Variants in TFAP2E observed in about 807,000 individuals in gnomAD.
TFAP2E encodes transcription factor AP-2-epsilon.
Under a neutral mutation model 37.9 loss-of-function variants are expected in TFAP2E, and 30 were observed. The observed-to-expected ratio is 0.79, with a 90% CI of 0.59 to 1.07. The LOEUF is 1.07. Among genes scored for constraint, TFAP2E ranks in the 50% least tolerant of loss-of-function variants. The pLI is 0.00. For missense variants in TFAP2E, 567 were observed against 637.9 expected, an observed-to-expected ratio of 0.89 and a Z score of 1.20; for synonymous variants, 318 against 295.8, an observed-to-expected ratio of 1.08 and a Z score of -0.77.
chr1:35,588,281 G>A lies in TFAP2E; in HGVS notation c.563-49G>A. 6.5e-7 allele frequency: 1 copy of A among 1,545,148 alleles called. No individual in the cohort carries two copies. Among genetic ancestry groups the A allele is most frequent in the Admixed American group, 1.8e-5 (1 of 56,020 alleles). ...AAGGATACCAGACCCTCCCTTGAGT[G>A]GGGCTGTGTGCGGCAGCCACTGGCT... On this transcript the variant is annotated intron_variant, in intron 3 of 6. Coordinates refer to ENST00000373235, the MANE Select transcript of TFAP2E (RefSeq NM_178548.4). This position sits in a 1 kb window ranked among gnomAD's most constrained non-coding sequence, Gnocchi z 5.1.
rs1214557577 is a variant in TFAP2E, at chr1:35,577,290, C to T, written c.562+2290C>T. On this transcript the variant is annotated intron_variant, in intron 3 of 6. Transcript: ENST00000373235. The surrounding 1 kb of genome is among the most constrained non-coding windows in gnomAD (Gnocchi z 6.3). ...TGCTCCCTGGAGCCGCCCCTCCCCA[C>T]ACCTGCCCTCGGCGCCCCCAGCAGT... The T allele has an allele frequency of 4.5e-6, 2 of 441,758 alleles. No individual in the cohort carries two copies. The highest frequency in any genetic ancestry group is 3.2e-5 in the South Asian group (2 of 62,348). The allele number at this position is 441,758 out of a possible 1,614,324, so 27.4% of individuals were successfully genotyped here.
At position 35,577,350 on chromosome 1, in the gene TFAP2E, C is replaced by T; in HGVS notation, c.562+2350C>T. The T allele has an allele frequency of 2.2e-6, 1 of 456,740 alleles. No homozygotes were observed. Among genetic ancestry groups the T allele is most frequent in the South Asian group, 1.5e-5 (1 of 64,568 alleles). The allele number at this position is 456,740 out of a possible 1,614,324, so 28.3% of individuals were successfully genotyped here. On this transcript the variant is annotated intron_variant, in intron 3 of 6. Transcript: ENST00000373235. The surrounding 1 kb of genome is among the most constrained non-coding windows in gnomAD (Gnocchi z 6.3). ...GGCCCTCCGCGGTCACTGCGGGATT[C>T]GGCGTTGCCGCCAGCCCAGTGGGGA...
At chr1:35,583,960 G>A (rs528896378) in intron 3 of TFAP2E, among the ~76,000 whole-genome samples, 1 of 152,274 alleles carries the variant, frequency 6.6e-6, no homozygotes, top group Admixed American at 6.5e-5. Context: ...ATATCTAGCA[G>A]CACCTATGTT....
intron 3 of TFAP2E, among the ~76,000 whole-genome samples, chr1:35,582,460 T>A (rs941732904): frequency 6.6e-5 from 10 of 151,884 alleles, no homozygotes; most frequent in African/African-American, 2.4e-4. Context: ...ATCGTTTTCT[T>A]TTCTATTTTT....
Position 35,575,075 on chromosome 1 carries a change from C to T in TFAP2E, c.562+75C>T, listed in dbSNP as rs1476734424. 12 of 1,582,296 alleles carry T rather than the reference C, an allele frequency of 7.6e-6. No homozygotes were observed. In the East Asian group the frequency reaches 1.3e-4, roughly 18 times the overall value. ...TGGTGCACAGATCCATTTTCTTCAC[C>T]GGCCGTGCCTCCTGTGTGTCGCCAG... On this transcript the variant is annotated intron_variant, in intron 3 of 6. Coordinates refer to ENST00000373235, the MANE Select transcript of TFAP2E (RefSeq NM_178548.4).
rs1408153690 is a variant in TFAP2E at position 35,588,056 on chromosome 1, C to G, written c.563-274C>G. On this transcript the variant is annotated intron_variant, in intron 3 of 6. Transcript: ENST00000373235. The surrounding 1 kb of genome is among the most constrained non-coding windows in gnomAD (Gnocchi z 5.1). Reference sequence around the variant, plus strand: ...CATATCCTTACATCCAGGTCCCTCTCTGATGGCATCCGCTAAAACACCAAG... The same window carrying G: ...CATATCCTTACATCCAGGTCCCTCTGTGATGGCATCCGCTAAAACACCAAG... Among the ~76,000 whole-genome samples the G allele has an allele frequency of 6.6e-6, 1 of 152,220 alleles. No homozygotes were observed. Among genetic ancestry groups the G allele is most frequent in the Non-Finnish European group, 1.5e-5 (1 of 68,044 alleles).
At chr1:35,592,991 C>T (rs757587542) in intron 6 of TFAP2E, among the ~76,000 whole-genome samples, 3 of 152,060 alleles carry the variant, frequency 2.0e-5, no homozygotes, top group African/African-American at 7.2e-5. Context: ...AGCATTCACA[C>T]CATAGCAGTC....
At chr1:35,574,883 G>C in intron 2 of TFAP2E, 66 bp from the exon 3 acceptor site, 1 of 1,610,012 alleles carries the variant, frequency 6.2e-7, no homozygotes, top group African/African-American at 1.3e-5. Flanking sequence ...TGGGTGGCAG[G>C]GGCTTGGGAA....
At chr1:35,593,098 A>G (rs1369968323) in intron 6 of TFAP2E, among the ~76,000 whole-genome samples, 1 of 152,114 alleles carries the variant, frequency 6.6e-6, no homozygotes, top group Admixed American at 6.6e-5. Context: ...TAATCCCAGC[A>G]CTTTGGGAAG....
chr1:35,582,909 T>G (rs1157675090), intron 3 of TFAP2E, among the ~76,000 whole-genome samples: 2 of 151,994 alleles, frequency 1.3e-5, no homozygotes, highest in African/African-American at 2.4e-5. Flanking sequence ...CTTTCTTTCT[T>G]TCTTTTTTTT....
chr1:35,590,142 GGT>G lies in TFAP2E; in HGVS notation c.904+103_904+104del, dbSNP rs951848916. On this transcript the variant is annotated intron_variant, in intron 5 of 6. Coordinates refer to ENST00000373235, the MANE Select transcript of TFAP2E (RefSeq NM_178548.4). This position sits in a 1 kb window ranked among gnomAD's most constrained non-coding sequence, Gnocchi z 6.2. ...TCTAATGCAGGAGGGTGTGTTTAGTGGTGTGTGTGTATCCGTGTAAGTGTTGC... is the reference window on the plus strand; with the variant it reads ...TCTAATGCAGGAGGGTGTGTTTAGTGGTGTGTGTATCCGTGTAAGTGTTGC... 15 of 1,150,020 alleles carry G rather than the reference GGT, an allele frequency of 1.3e-5. No homozygotes were observed. Among genetic ancestry groups the G allele is most frequent in the African/African-American group, 1.5e-5 (1 of 65,994 alleles). 71.2% of individuals were successfully genotyped at this position (1,150,020 alleles called of 1,614,324 possible).
intron 3 of TFAP2E, among the ~76,000 whole-genome samples, chr1:35,582,353 T>C (rs1649372034): frequency 6.6e-6 from 1 of 152,156 alleles, no homozygotes; most frequent in African/African-American, 2.4e-5. Context: ...GTTGCTATCT[T>C]ATTGTTGAGT....
intron 3 of TFAP2E, among the ~76,000 whole-genome samples, chr1:35,578,285 G>C (rs924034356): frequency 6.6e-6 from 1 of 152,120 alleles, no homozygotes; most frequent in African/African-American, 2.4e-5. Flanking sequence ...CAAATTAGCC[G>C]GGCATGGTGG....
intron 3 of TFAP2E, among the ~76,000 whole-genome samples, chr1:35,575,565 C>A (rs563735416): frequency 5.9e-5 from 9 of 152,268 alleles, no homozygotes; most frequent in African/African-American, 2.2e-4. Context: ...CCACCTGCTC[C>A]TGGGTGTCTG....
chr1:35,581,649 C>T (rs552173770), intron 3 of TFAP2E, among the ~76,000 whole-genome samples: 57 of 151,346 alleles, frequency 3.8e-4, no homozygotes, highest in South Asian at 2.5e-3. Context: ...CTCGGCTCAC[C>T]GTAACCTCTG....
chr1:35,590,669 G>C lies in TFAP2E; in HGVS notation c.940G>C (p.Val314Leu). The stretch of plus-strand genomic sequence containing the variant: ...GCACCTGGCCCGAGACTTCGGTTAC[G>C]TCTGTGAGACGGAGTTCCCAGCCAA... ...AVHLARDFGY[V>L]CETEFPAKAA... Residue 314 changes from valine (V) to leucine (L), a missense_variant, in exon 6 of 7, where the codon GTC becomes CTC. Transcript: ENST00000373235. This position sits in a 1 kb window ranked among gnomAD's most constrained non-coding sequence, Gnocchi z 6.2. 2 of 1,551,696 alleles carry C rather than the reference G, an allele frequency of 1.3e-6. No individual in the cohort carries two copies. Among genetic ancestry groups the C allele is most frequent in the Non-Finnish European group, 1.8e-6 (2 of 1,139,712 alleles).
At position 35,574,985 on chromosome 1, in the gene TFAP2E, T is replaced by TC. The variant is rs759797213; in HGVS notation, c.549dup (p.Val184ArgfsTer33). The TC allele has an allele frequency of 6.2e-7, 1 of 1,613,940 alleles. No homozygotes were observed. Among genetic ancestry groups the TC allele is most frequent in the Non-Finnish European group, 8.5e-7 (1 of 1,179,982 alleles). ...GCCGGGAATGAGCCTCCTAGACCAGTCCGTGATCAAGAAAGGTAAGGAATG... is the reference window on the plus strand; with the variant it reads ...GCCGGGAATGAGCCTCCTAGACCAGTCCCGTGATCAAGAAAGGTAAGGAATG... On this transcript the variant is annotated frameshift_variant, in exon 3 of 7. Coordinates refer to ENST00000373235, the MANE Select transcript of TFAP2E (RefSeq NM_178548.4). LOFTEE classifies it high-confidence loss of function.
Position 35,594,539 on chromosome 1 carries a change from A to G in TFAP2E, c.1192A>G (p.Ile398Val), listed in dbSNP as rs1649775100. 5 of 1,614,238 alleles carry G rather than the reference A, an allele frequency of 3.1e-6. No individual in the cohort carries two copies. The East Asian group carries it at 8.9e-5, about 29-fold the overall frequency. ...CACCCATGGCTTCGGTGGGCCTGCC[A>G]TCTGTGCTGCCCTCACTGCCTTCCA... ...LITHGFGGPA[I>V]CAALTAFQNY... The change falls in exon 7 of 7, where the codon ATC becomes GTC. Residue 398 changes from isoleucine to valine, a missense_variant. Ile to Val is a conservative substitution (Grantham distance 29). Around this residue, in one of 3 missense-constraint regions of TFAP2E, gnomAD observed 252 missense variants for 302.6 expected, o/e 0.83. Transcript: ENST00000373235.
At chr1:35,574,548 TC>T (rs1649113612) in intron 2 of TFAP2E, 139 bp downstream of exon 2, 3 of 1,318,510 alleles carry the variant, frequency 2.3e-6, no homozygotes, top group African/African-American at 1.5e-5. Context: ...CGAGGATGTG[TC>T]CCACCTCCTG....
Sources: gnomAD v4.1 joint callset for allele counts (sites outside exome capture counted in the v4.1 genomes callset) on GRCh38, gnomAD v4.1.1 for gene constraint, gnomAD v4.1.1 regional missense constraint, Gnocchi (gnomAD v3.1) non-coding constraint, MANE v1.5 for transcripts, NCBI Gene and HGNC (gene_info 2026-07-23, HGNC 2026-07-21) for gene names.